CYRIA: variants seen among roughly 807,000 people sequenced by gnomAD.
CYRIA encodes CYFIP-related Rac1 interactor A.
CYRIA carries 15 observed loss-of-function variants against 43.9 expected under a neutral mutation model. The ratio of observed to expected loss-of-function variants is 0.34; its 90% CI spans 0.23 to 0.53. The LOEUF (loss-of-function observed/expected upper bound fraction) is 0.53, where lower values mean the gene tolerates loss of function less well. Among genes scored for constraint, CYRIA ranks in the 20% least tolerant of loss-of-function variants. The probability of loss-of-function intolerance (pLI) is 0.94; values close to 1 mark genes in which losing one functional copy is unlikely to be tolerated. For synonymous variants in CYRIA, 117 were observed against 136.0 expected, an observed-to-expected ratio of 0.86 and a Z score of 0.97; for missense variants, 236 against 394.2, an observed-to-expected ratio of 0.60 and a Z score of 3.40.
intron 3 of CYRIA, among the ~76,000 whole-genome samples, chr2:16,576,910 G>A (rs1421575637): frequency 6.6e-6 from 1 of 152,084 alleles, no homozygotes; most frequent in Middle Eastern, 3.2e-3. Context: ...AAATAAACAA[G>A]TAACAGCAAA....
At chr2:16,637,551 T>C (rs1322993266) in intron 1 of CYRIA, among the ~76,000 whole-genome samples, 1 of 152,214 alleles carries the variant, frequency 6.6e-6, no homozygotes, top group Non-Finnish European at 1.5e-5. Context: ...CCGTGAGAAA[T>C]GTATTTCTGT....
intron 2 of CYRIA, among the ~76,000 whole-genome samples, chr2:16,599,958 G>T (rs1463506027): frequency 6.6e-6 from 1 of 152,156 alleles, no homozygotes; most frequent in Non-Finnish European, 1.5e-5. Context: ...GTTTCACCAT[G>T]TTGGCCAGGA....
intron 2 of CYRIA, among the ~76,000 whole-genome samples, chr2:16,605,431 C>G (rs374764204): frequency 6.6e-6 from 1 of 152,370 alleles, no homozygotes; most frequent in East Asian, 1.9e-4. Context: ...AATCTGTCCC[C>G]TTTCTCTTGG....
intron 2 of CYRIA, among the ~76,000 whole-genome samples, chr2:16,601,201 T>C (rs1668193814): frequency 6.6e-6 from 1 of 152,144 alleles, no homozygotes; most frequent in Non-Finnish European, 1.5e-5. Flanking sequence ...GAGAAAATTA[T>C]GTGGGGTGAA....
At chr2:16,572,017 C>T (rs1667146794) in intron 3 of CYRIA, among the ~76,000 whole-genome samples, 1 of 152,170 alleles carries the variant, frequency 6.6e-6, no homozygotes, top group Non-Finnish European at 1.5e-5. Flanking sequence ...GCCCGAAGCC[C>T]TTTTCTATAG....
rs570137045 is a variant in CYRIA at position 16,564,044 on chromosome 2, C to T, written c.243G>A (p.Ala81=). 1.3e-4 allele frequency: 204 copies of T among 1,613,578 alleles called. 1 individual carries two copies. Among genetic ancestry groups the T allele is most frequent in the South Asian group, 1.1e-3 (97 of 91,046 alleles). The change falls in exon 5 of 12, where the codon GCG becomes GCA. Residue 81 remains alanine (A), a synonymous_variant. Transcript: ENST00000381323. ...DIQLQEKAWN[A]VCPLVVRLKR... is the part of the protein sequence containing the mutation. ...TTAGCCTCACAACAAGAGGGCACAC[C>T]GCATTCCAAGCTTTTTCTTGAAGCT... is the stretch of plus-strand genomic sequence containing the variant.
At chr2:16,579,419 GCA>G (rs35850813) in intron 3 of CYRIA, among the ~76,000 whole-genome samples, 2,288 of 147,210 alleles carry the variant, frequency 0.016, 55 homozygotes, top group African/African-American at 0.049. Context: ...ACATGCACAT[GCA>G]CACACACACA....
intron 5 of CYRIA, among the ~76,000 whole-genome samples, chr2:16,563,780 T>C (rs1371742325): frequency 6.6e-6 from 1 of 152,140 alleles, no homozygotes; most frequent in African/African-American, 2.4e-5. Flanking sequence ...AGAGACACAC[T>C]AAATGGGCCA....
At chr2:16,560,354 TA>T (rs983166383) in intron 9 of CYRIA, among the ~76,000 whole-genome samples, 1 of 152,150 alleles carries the variant, frequency 6.6e-6, no homozygotes, top group African/African-American at 2.4e-5. Flanking sequence ...TTGGTCTTCC[TA>T]AAGACTCTGC....
Position 16,631,557 on chromosome 2 carries a change from G to A in CYRIA, c.-166-7538C>T, listed in dbSNP as rs1298789676. Among the ~76,000 whole-genome samples, 3 of 152,220 alleles carry A rather than the reference G, an allele frequency of 2.0e-5. No homozygotes were observed. The East Asian group carries it at 5.8e-4, about 29-fold the overall frequency. On this transcript the variant is annotated intron_variant, in intron 1 of 11. Coordinates refer to ENST00000381323, the MANE Select transcript of CYRIA (RefSeq NM_030797.4). ...CTGTAGAAAGAGCCTGGGGACTCAA[G>A]CCCAACAATCATAAACCTCAGTCTC...
chr2:16,615,068 A>T (rs1434113691), intron 2 of CYRIA, among the ~76,000 whole-genome samples: 1 of 152,200 alleles, frequency 6.6e-6, no homozygotes, highest in Non-Finnish European at 1.5e-5. Flanking sequence ...CTAACCATGA[A>T]ATACAAAATG....
chr2:16,598,733 G>A (rs1204504900), intron 2 of CYRIA, among the ~76,000 whole-genome samples: 4 of 104,096 alleles, frequency 3.8e-5, no homozygotes, highest in Admixed American at 2.8e-4. Flanking sequence ...CTCTCAGCTC[G>A]TCAAAATCAT....
intron 3 of CYRIA, among the ~76,000 whole-genome samples, chr2:16,587,153 A>G (rs1482096459): frequency 6.6e-6 from 1 of 152,174 alleles, no homozygotes; most frequent in African/African-American, 2.4e-5. Context: ...GTATAATCAA[A>G]TAATACATAA....
At chr2:16,607,096 G>C (rs1389499655) in intron 2 of CYRIA, among the ~76,000 whole-genome samples, 3 of 152,218 alleles carry the variant, frequency 2.0e-5, no homozygotes, top group Non-Finnish European at 4.4e-5. Context: ...AAATCTCAGA[G>C]ACAGGTGCGG....
At chr2:16,638,930 T>C (rs1280310952) in intron 1 of CYRIA, among the ~76,000 whole-genome samples, 2 of 152,176 alleles carry the variant, frequency 1.3e-5, no homozygotes, top group Non-Finnish European at 2.9e-5. Context: ...TCAAAAGTGT[T>C]ATAAGAATAA....
At chr2:16,583,081 C>T (rs1667605725) in intron 3 of CYRIA, among the ~76,000 whole-genome samples, 1 of 152,166 alleles carries the variant, frequency 6.6e-6, no homozygotes. Context: ...ATCTCACTGT[C>T]ATTTTGATTT....
intron 3 of CYRIA, among the ~76,000 whole-genome samples, chr2:16,587,678 C>G (rs567252650): frequency 6.6e-6 from 1 of 152,162 alleles, no homozygotes; most frequent in South Asian, 2.1e-4. Flanking sequence ...TGGGAGGTAA[C>G]TGAATCATGG....
At chr2:16,590,842 T>C (rs576955376) in intron 2 of CYRIA, among the ~76,000 whole-genome samples, 4 of 152,272 alleles carry the variant, frequency 2.6e-5, no homozygotes, top group African/African-American at 9.6e-5. Context: ...GTGTTTCATC[T>C]CATTATGGCC....
rs1666367602 is a variant in CYRIA, at chr2:16,552,990, T to G, written c.918A>C (p.Thr306=). The G allele has an allele frequency of 6.2e-7, 1 of 1,606,262 alleles. No homozygotes were observed. Among genetic ancestry groups the G allele is most frequent in the Non-Finnish European group, 8.5e-7 (1 of 1,173,104 alleles). The part of the protein sequence containing the change: ...EGLLNALRFT[T]KHLNDESTSK... The stretch of plus-strand genomic sequence containing the variant: ...AAGTTGATTCATCGTTCAAGTGCTT[T>G]GTAGTGAACCTGGATGGAGAGAGAA... Residue 306 remains threonine, a synonymous_variant, in exon 12 of 12, where the codon ACA becomes ACC. Transcript: ENST00000381323.
Sources: gnomAD v4.1 joint callset for allele counts (sites outside exome capture counted in the v4.1 genomes callset) on GRCh38, gnomAD v4.1.1 for gene constraint, MANE v1.5 for transcripts, NCBI Gene and HGNC (gene_info 2026-07-23, HGNC 2026-07-21) for gene names.